The following KIF20B variants were observed in gnomAD, a reference collection of about 807,000 sequenced individuals.
KIF20B encodes kinesin family member 20B, also known as kinesin-like protein KIF20B.
Under a neutral mutation model 232.5 loss-of-function variants are expected in KIF20B, and 188 were observed. The observed-to-expected ratio is 0.81, with a 90% CI of 0.72 to 0.91. The LOEUF is 0.91. Ranked by LOEUF, KIF20B falls within the 40% of genes least tolerant of loss-of-function variation. KIF20B has a pLI of 0.00. For missense variants in KIF20B, 2,154 were observed against 2,055.9 expected (o/e 1.05, Z -0.92); for synonymous variants, 712 against 683.0 (o/e 1.04, Z -0.66).
chr10:89,772,350 C>A (rs893551701), intron 31 of KIF20B, among the ~76,000 whole-genome samples: 1 of 151,976 alleles, frequency 6.6e-6, no homozygotes, highest in African/African-American at 2.4e-5. Flanking sequence ...GCTGCATGAT[C>A]CACTATGTAT....
chr10:89,769,067 A>G (rs1443844740), intron 31 of KIF20B, among the ~76,000 whole-genome samples, 179 bp downstream of exon 31: 2 of 152,008 alleles, frequency 1.3e-5, no homozygotes, highest in Non-Finnish European at 2.9e-5. Flanking sequence ...GGTGTTCGCT[A>G]TGTAGTAGAA....
At chr10:89,723,862 C>CAAT in intron 13 of KIF20B, 102 bp from the exon 14 acceptor site, 1 of 931,582 alleles carries the variant, frequency 1.1e-6, no homozygotes, top group Non-Finnish European at 1.4e-6. Context: ...CACAGAATTA[C>CAAT]AATTGACTAA....
Position 89,773,952 on chromosome 10 carries a change from A to G in KIF20B, c.5386-19A>G, listed in dbSNP as rs113651220. ...TTTCACTTACAAGCTTTGAAAAACTATGAAATTTTTAATTTCAGATTTTAA... is the reference window on the plus strand; with the variant it reads ...TTTCACTTACAAGCTTTGAAAAACTGTGAAATTTTTAATTTCAGATTTTAA... On this transcript the variant is annotated intron_variant, in intron 32 of 32. Transcript: ENST00000371728. The G allele has an allele frequency of 8.3e-6, 12 of 1,439,454 alleles. No homozygotes were observed. The highest frequency in any genetic ancestry group is 1.1e-5 in the Non-Finnish European group (12 of 1,049,136). The allele number at this position is 1,439,454 out of a possible 1,614,324, so 89.2% of individuals were successfully genotyped here.
chr10:89,715,925 A>G (rs989867754), intron 8 of KIF20B, among the ~76,000 whole-genome samples: 3 of 152,186 alleles, frequency 2.0e-5, no homozygotes, highest in Non-Finnish European at 4.4e-5. Flanking sequence ...TAGGAGGTCA[A>G]GGCTGTAGAG....
At chr10:89,708,117 T>C (rs1842763338) in intron 2 of KIF20B, among the ~76,000 whole-genome samples, 1 of 152,224 alleles carries the variant, frequency 6.6e-6, no homozygotes, top group Non-Finnish European at 1.5e-5. Context: ...CCTGAGGATA[T>C]CTTTGTCAAT....
chr10:89,728,633 G>A (rs1256701655), intron 17 of KIF20B, among the ~76,000 whole-genome samples: 1 of 152,032 alleles, frequency 6.6e-6, no homozygotes, highest in African/African-American at 2.4e-5. Flanking sequence ...AGCCTCCCAA[G>A]TAGTTAGGGT....
chr10:89,745,224 A>G (rs904018153), intron 22 of KIF20B, among the ~76,000 whole-genome samples: 13 of 152,176 alleles, frequency 8.5e-5, no homozygotes, highest in Non-Finnish European at 1.9e-4. Context: ...ACCGGGTCAT[A>G]ACGTAGATTA....
chr10:89,737,799 C>T lies in KIF20B; in HGVS notation c.2958C>T (p.His986=). The change falls in exon 20 of 33, where the codon CAC becomes CAT. Residue 986 remains histidine (H), a synonymous_variant. Transcript: ENST00000371728. ...ATGTTTCACAAATAAAATTAATGCA[C>T]ACGAAAATAGACGAACTACGTACTC... ...TNNVSQIKLM[H]TKIDELRTLD... 2 of 1,612,948 alleles carry T rather than the reference C, an allele frequency of 1.2e-6. No individual in the cohort carries two copies. The highest frequency in any genetic ancestry group is 1.7e-6 in the Non-Finnish European group (2 of 1,179,368).
intron 18 of KIF20B, among the ~76,000 whole-genome samples, 182 bp downstream of exon 18, chr10:89,729,429 G>T (rs569650867): frequency 1.3e-5 from 2 of 152,290 alleles, no homozygotes; most frequent in East Asian, 1.9e-4. Flanking sequence ...TTAGACGAGG[G>T]TGTTTGACTT....
chr10:89,771,444 A>G (rs1019717292), intron 31 of KIF20B, among the ~76,000 whole-genome samples: 1 of 152,052 alleles, frequency 6.6e-6, no homozygotes, highest in South Asian at 2.1e-4. Context: ...ACCATAGGCA[A>G]TTACAAAGAC....
rs1412163858 is a variant in KIF20B, at chr10:89,717,498, A to G, written c.1124+3A>G. The stretch of plus-strand genomic sequence containing the variant: ...TCTCGTGTAATTCGAGTCAGTGAGT[A>G]AGTTGAATATTCTTTAAATTTAATT... On this transcript the variant is annotated splice_donor_region_variant and intron_variant, in intron 10 of 32. Transcript: ENST00000371728. The G allele has an allele frequency of 3.1e-6, 5 of 1,593,556 alleles. No individual in the cohort carries two copies. The South Asian group carries it at 5.6e-5, about 18-fold the overall frequency.
chr10:89,723,442 A>G (rs1423259595), intron 13 of KIF20B: 1 of 152,288 alleles, frequency 6.6e-6, no homozygotes, highest in Non-Finnish European at 1.5e-5. Flanking sequence ...AAAGCCTAAT[A>G]TAAGTTTATG....
Position 89,758,887 on chromosome 10 carries a change from G to T in KIF20B, c.4680+5G>T. ...ATATCAGAGACTTCTAAAATAGTCA[G>T]TAGTCTTTTTTGCTATGCCTTTTTA... On this transcript the variant is annotated splice_donor_5th_base_variant and intron_variant, in intron 27 of 32. Transcript: ENST00000371728. The T allele has an allele frequency of 6.7e-7, 1 of 1,488,722 alleles. No homozygotes were observed. Among genetic ancestry groups the T allele is most frequent in the South Asian group, 1.4e-5 (1 of 70,238 alleles). 92.2% of individuals were successfully genotyped at this position (1,488,722 alleles called of 1,614,324 possible). A position where few individuals can be genotyped will look rare whatever the true frequency, so the allele number is the denominator to read the frequency against.
intron 2 of KIF20B, 52 bp downstream of exon 2, chr10:89,705,493 G>GTAGTTTTTCCCTTTTTATTGCTAAATA: frequency 1.3e-6 from 2 of 1,546,604 alleles, no homozygotes; most frequent in Non-Finnish European, 1.8e-6. Flanking sequence ...TCTAATGCAA[G>GTAGTTTTTCCCTTTTTATTGCTAAATA]GGTTGGCAAA....
At chr10:89,737,261 TCA>T in intron 19 of KIF20B, 124 bp from the exon 20 acceptor site, 1 of 1,039,062 alleles carries the variant, frequency 9.6e-7, no homozygotes, top group East Asian at 3.2e-5. Context: ...ACAGCTTATT[TCA>T]TTTTTTTTTT....
chr10:89,748,642 A>G (rs1841965623), intron 23 of KIF20B, among the ~76,000 whole-genome samples: 1 of 152,130 alleles, frequency 6.6e-6, no homozygotes, highest in Non-Finnish European at 1.5e-5. Context: ...TCACCCTAAC[A>G]TCTCCTATTT....
At chr10:89,712,398 G>A (rs1842851252) in intron 6 of KIF20B, among the ~76,000 whole-genome samples, 1 of 152,052 alleles carries the variant, frequency 6.6e-6, no homozygotes, top group Admixed American at 6.6e-5. Flanking sequence ...TGGAACTACA[G>A]GGGCATGCCA....
At position 89,725,075 on chromosome 10, in the gene KIF20B, G is replaced by A. The variant is rs368955427; in HGVS notation, c.1918G>A (p.Ala640Thr). The A allele has an allele frequency of 2.5e-4, 402 of 1,613,736 alleles. No homozygotes were observed. Among genetic ancestry groups the A allele is most frequent in the Non-Finnish European group, 3.3e-4 (392 of 1,179,858 alleles). Residue 640 changes from alanine (A) to threonine (T), a missense_variant, in exon 15 of 33, where the codon GCT (alanine) becomes ACT (threonine). Ala to Thr is a moderately conservative substitution (Grantham distance 58, BLOSUM62 0). Transcript: ENST00000371728. ...AGAAGAAAATGCTGAACGTCGTTTGGCTATCTTCAAGGATTTGGTTGGTAA... is the reference window on the plus strand; with the variant it reads ...AGAAGAAAATGCTGAACGTCGTTTGACTATCTTCAAGGATTTGGTTGGTAA... ...ILEENAERRL[A>T]IFKDLVGKCD...
Position 89,717,608 on chromosome 10 carries a change from G to C in KIF20B, c.1157G>C (p.Arg386Pro). Reference sequence around the variant, plus strand: ...TTATGTGATCTTGCTGGTTCAGAACGAACTATGAAGACACAGAATGAAGGT... The same window carrying C: ...TTATGTGATCTTGCTGGTTCAGAACCAACTATGAAGACACAGAATGAAGGT... ...LSLCDLAGSE[R>P]TMKTQNEGER... Residue 386 changes from arginine (R) to proline (P), a missense_variant, in exon 11 of 33, where the codon CGA (arginine) becomes CCA (proline). Arg to Pro is a moderately radical substitution (Grantham distance 103). Transcript: ENST00000371728. 6.2e-7 allele frequency: 1 copy of C among 1,610,844 alleles called. No individual in the cohort carries two copies. The highest frequency in any genetic ancestry group is 1.1e-5 in the South Asian group (1 of 90,316).
Sources: allele counts gnomAD v4.1 joint callset (sites outside exome capture counted in the v4.1 genomes callset), GRCh38; gene constraint gnomAD v4.1.1; transcripts MANE v1.5; gene names NCBI Gene and HGNC (gene_info 2026-07-23, HGNC 2026-07-21).